The following ATG7 variants were observed in gnomAD, a reference collection of about 807,000 sequenced individuals.
ATG7 encodes autophagy related 7.
ATG7 carries 70 observed loss-of-function variants against 82.4 expected under a neutral mutation model. The ratio of observed to expected loss-of-function variants is 0.85; its 90% confidence interval spans 0.70 to 1.04. The LOEUF (loss-of-function observed/expected upper bound fraction) is 1.04, where lower values mean the gene tolerates loss of function less well. ATG7 is among the 50% of genes least tolerant of loss of function. The pLI is 0.00. For missense variants in ATG7, 792 were observed against 864.3 expected (o/e 0.92, Z 1.05); for synonymous variants, 287 against 313.0 (o/e 0.92, Z 0.88).
chr3:11,450,798 A>G (rs557603837), intron 20 of ATG7, among the ~76,000 whole-genome samples: 44 of 152,304 alleles, frequency 2.9e-4, no homozygotes, highest in Admixed American at 1.2e-3. Context: ...CTTAGTTAAG[A>G]TCGTATTTTC....
At position 11,372,571 on chromosome 3, in the gene ATG7, T is replaced by C. The variant is rs184717783; in HGVS notation, c.1876-7401T>C. Among the ~76,000 whole-genome samples, 365 of 151,182 alleles carry C rather than the reference T, an allele frequency of 2.4e-3. 7 individuals carry two copies. Among genetic ancestry groups the C allele is most frequent in the Non-Finnish European group, 1.6e-3 (108 of 67,806 alleles). On this transcript the variant is annotated intron_variant, in intron 18 of 20. Coordinates refer to ENST00000693202, the MANE Select transcript of ATG7 (RefSeq NM_001349232.2). ...CCACAAATGAGATACAGAATTTTTC[T>C]GTCACCCCAAAAAGCTCCTTTGTGC...
chr3:11,342,649 T>G (rs1953838847), intron 13 of ATG7, among the ~76,000 whole-genome samples: 1 of 152,184 alleles, frequency 6.6e-6, no homozygotes, highest in Non-Finnish European at 1.5e-5. Flanking sequence ...CAGGTTTTTA[T>G]TTTTAACTAG....
chr3:11,517,613 T>C (rs4684786), intron 20 of ATG7, among the ~76,000 whole-genome samples: 26,696 of 152,138 alleles, frequency 0.18, 2,887 homozygotes, highest in South Asian at 0.34. Flanking sequence ...TGCCTGGCCC[T>C]GGGAGGCTTC....
At chr3:11,508,778 C>T (rs551240157) in intron 20 of ATG7, among the ~76,000 whole-genome samples, 102 of 152,292 alleles carry the variant, frequency 6.7e-4, no homozygotes, top group African/African-American at 2.1e-3. Flanking sequence ...AACTAATAAT[C>T]CTCAGTTCTG....
At chr3:11,309,165 C>T in intron 7 of ATG7, 104 bp downstream of exon 7, 1 of 1,111,248 alleles carries the variant, frequency 9.0e-7, no homozygotes, top group African/African-American at 1.5e-5. Context: ...CTACTACCTT[C>T]TGTTACTTAA....
At chr3:11,418,728 T>A (rs1292202785) in intron 19 of ATG7, among the ~76,000 whole-genome samples, 2 of 152,220 alleles carry the variant, frequency 1.3e-5, no homozygotes, top group East Asian at 1.9e-4. Flanking sequence ...TTAGCCTGTT[T>A]TCACACTACT....
At chr3:11,500,430 A>G (rs2091237734) in intron 20 of ATG7, among the ~76,000 whole-genome samples, 1 of 151,058 alleles carries the variant, frequency 6.6e-6, no homozygotes, top group Admixed American at 6.6e-5. Flanking sequence ...ACAATAACAT[A>G]TCTGATCACT....
intron 19 of ATG7, among the ~76,000 whole-genome samples, chr3:11,395,742 C>T (rs1165112595): frequency 3.3e-5 from 5 of 151,636 alleles, no homozygotes; most frequent in Non-Finnish European, 4.4e-5. Flanking sequence ...AGATCGAGAC[C>T]ATCCTGGCTA....
At chr3:11,448,757 A>G (rs1212663977) in intron 20 of ATG7, among the ~76,000 whole-genome samples, 1 of 152,168 alleles carries the variant, frequency 6.6e-6, no homozygotes, top group African/African-American at 2.4e-5. Context: ...GAGGCAACAG[A>G]GGCATCAGTA....
chr3:11,526,169 T>A (rs557802694), intron 20 of ATG7, among the ~76,000 whole-genome samples: 96 of 152,292 alleles, frequency 6.3e-4, no homozygotes, highest in African/African-American at 2.3e-3. Context: ...GGTGGTCAGA[T>A]CGCTTGAGCT....
At chr3:11,321,055 T>G (rs2152736228) in intron 9 of ATG7, among the ~76,000 whole-genome samples, 1 of 152,230 alleles carries the variant, frequency 6.6e-6, no homozygotes, top group African/African-American at 2.4e-5. Flanking sequence ...GGTTCTTAAT[T>G]TGGAGTAGGG....
intron 9 of ATG7, among the ~76,000 whole-genome samples, chr3:11,320,264 T>G (rs1288106055): frequency 6.6e-6 from 1 of 151,840 alleles, no homozygotes; most frequent in African/African-American, 2.4e-5. Flanking sequence ...TGTTGCGAGC[T>G]CTCATAGCAC....
chr3:11,463,924 G>A (rs1175615093), intron 20 of ATG7, among the ~76,000 whole-genome samples: 1 of 152,208 alleles, frequency 6.6e-6, no homozygotes, highest in African/African-American at 2.4e-5. Flanking sequence ...GGGGGAAAAA[G>A]CAGTTTCCAT....
chr3:11,464,478 G>A (rs770907084), intron 20 of ATG7, among the ~76,000 whole-genome samples: 4 of 152,182 alleles, frequency 2.6e-5, no homozygotes, highest in African/African-American at 7.2e-5. Flanking sequence ...GGTAAAGTAC[G>A]GGGGGAGGCT....
chr3:11,385,016 TTTTGTTTG>T (rs144742151), intron 19 of ATG7, among the ~76,000 whole-genome samples: 94 of 151,796 alleles, frequency 6.2e-4, no homozygotes, highest in African/African-American at 7.3e-4. Context: ...TAAATAGTGT[TTTTGTTTG>T]TTTGTTTGTT....
chr3:11,488,600 C>T (rs974991454), intron 20 of ATG7: 261 of 514,430 alleles, frequency 5.1e-4, no homozygotes, highest in Admixed American at 6.5e-4. Context: ...CCTAAGCCAC[C>T]GACCCCAGCC....
At position 11,331,220 on chromosome 3, in the gene ATG7, A is replaced by C. The variant is rs1575495215; in HGVS notation, c.679-120A>C. 3 of 794,022 alleles carry C rather than the reference A, an allele frequency of 3.8e-6. No individual in the cohort carries two copies. The East Asian group carries it at 7.3e-5, about 19-fold the overall frequency. The allele number at this position is 794,022 out of a possible 1,614,324, so 49.2% of individuals were successfully genotyped here. ...TCTCCTCCCCTTAGCCCTTTACCAGATGTTTAATTTTTAAGGCTTTGCAGA... is the reference window on the plus strand; with the variant it reads ...TCTCCTCCCCTTAGCCCTTTACCAGCTGTTTAATTTTTAAGGCTTTGCAGA... On this transcript the variant is annotated intron_variant, in intron 9 of 20. Coordinates refer to ENST00000693202, the MANE Select transcript of ATG7 (RefSeq NM_001349232.2).
At chr3:11,482,569 G>A (rs1289529105) in intron 20 of ATG7, among the ~76,000 whole-genome samples, 2 of 152,066 alleles carry the variant, frequency 1.3e-5, no homozygotes, top group African/African-American at 4.8e-5. Context: ...GGTACAGTTG[G>A]GCCTTACTGA....
At chr3:11,310,826 G>T (rs143045900) in intron 7 of ATG7, among the ~76,000 whole-genome samples, 2 of 152,080 alleles carry the variant, frequency 1.3e-5, no homozygotes, top group South Asian at 4.2e-4. Context: ...TAGAGAGGGG[G>T]TTTCACCGTG....
Sources: gnomAD v4.1 joint callset for allele counts (sites outside exome capture counted in the v4.1 genomes callset) on GRCh38, gnomAD v4.1.1 for gene constraint, MANE v1.5 for transcripts, NCBI Gene and HGNC (gene_info 2026-07-23, HGNC 2026-07-21) for gene names.